Variants in SPAG16 observed in about 807,000 individuals in gnomAD.
SPAG16 encodes sperm-associated antigen 16 protein.
A neutral mutation model predicts 80.4 loss-of-function variants in SPAG16; 86 were observed. The observed-to-expected ratio is 1.07, with a 90% CI of 0.90 to 1.28. The LOEUF (loss-of-function observed/expected upper bound fraction) is 1.28, where lower values mean the gene tolerates loss of function less well. Ranked by LOEUF, SPAG16 falls within the 50% of genes most tolerant of loss-of-function variation. The pLI is 0.00. For missense variants in SPAG16, 870 were observed against 765.3 expected (o/e 1.14, Z -1.61); for synonymous variants, 294 against 265.9 (o/e 1.11, Z -1.03).
At chr2:214,081,650 C>A (rs1237086590) in intron 13 of SPAG16, among the ~76,000 whole-genome samples, 1 of 152,150 alleles carries the variant, frequency 6.6e-6, no homozygotes, top group Non-Finnish European at 1.5e-5. Flanking sequence ...TGATCTCAGA[C>A]TTGTAGTCTC....
intron 15 of SPAG16, among the ~76,000 whole-genome samples, chr2:214,319,995 C>T (rs1695988264): frequency 6.6e-6 from 1 of 152,214 alleles, no homozygotes; most frequent in African/African-American, 2.4e-5. Flanking sequence ...TCTAGTGCGA[C>T]AAAATTACAC....
intron 9 of SPAG16, among the ~76,000 whole-genome samples, chr2:213,438,719 T>A (rs970081560): frequency 2.0e-5 from 3 of 152,234 alleles, no homozygotes; most frequent in African/African-American, 7.2e-5. Context: ...TTACTTTATA[T>A]GTAAAAGGGG....
At chr2:213,775,136 C>T (rs530492115) in intron 10 of SPAG16, among the ~76,000 whole-genome samples, 28 of 152,266 alleles carry the variant, frequency 1.8e-4, no homozygotes, top group African/African-American at 6.0e-4. Context: ...CTGCCAAAGA[C>T]GAAAGCATCC....
intron 15 of SPAG16, among the ~76,000 whole-genome samples, chr2:214,397,316 T>C (rs997439562): frequency 6.6e-6 from 1 of 151,982 alleles, no homozygotes; most frequent in East Asian, 1.9e-4. Context: ...TGCGCCACCA[T>C]GCCCAGCTAA....
chr2:213,489,492 A>T lies in SPAG16; in HGVS notation c.943-471A>T, dbSNP rs1408722630. 3.9e-5 allele frequency among the ~76,000 whole-genome samples: 6 copies of T among 152,150 alleles called. No individual in the cohort carries two copies. The East Asian group carries it at 7.7e-4, about 20-fold the overall frequency. On this transcript the variant is annotated intron_variant, in intron 9 of 15. Coordinates refer to ENST00000331683, the MANE Select transcript of SPAG16 (RefSeq NM_024532.5). ...AAATTAGTACTGTGTCCTTAGATTT[A>T]AAAAGAAAATCATAATCAATCAATT...
intron 13 of SPAG16, among the ~76,000 whole-genome samples, chr2:214,094,418 G>A (rs1032110247): frequency 6.6e-6 from 1 of 152,058 alleles, no homozygotes. Context: ...ACAAAGTCCT[G>A]AAACTCATGT....
intron 15 of SPAG16, among the ~76,000 whole-genome samples, chr2:214,403,290 T>G (rs1701815795): frequency 6.6e-6 from 1 of 150,546 alleles, no homozygotes; most frequent in Admixed American, 6.6e-5. Flanking sequence ...AATTTTCTAG[T>G]GGACACATTT....
At chr2:213,366,059 G>A (rs1202138411) in intron 8 of SPAG16, among the ~76,000 whole-genome samples, 2 of 147,536 alleles carry the variant, frequency 1.4e-5, no homozygotes, top group African/African-American at 2.5e-5. Context: ...GGAGAATGGT[G>A]TGAACCCGGG....
At chr2:213,570,960 C>G (rs1209307962) in intron 10 of SPAG16, among the ~76,000 whole-genome samples, 1 of 25,644 alleles carries the variant, frequency 3.9e-5, no homozygotes, top group Non-Finnish European at 6.0e-5. Context: ...GTTAGCTCCT[C>G]TTGTTGAATT....
intron 13 of SPAG16, among the ~76,000 whole-genome samples, chr2:214,082,846 A>G (rs1290392600): frequency 1.3e-5 from 2 of 152,122 alleles, no homozygotes; most frequent in African/African-American, 4.8e-5. Flanking sequence ...TTCACTTTCA[A>G]TGTTAAGCAT....
chr2:213,401,450 TG>T (rs1201151085), intron 9 of SPAG16, among the ~76,000 whole-genome samples: 9 of 152,246 alleles, frequency 5.9e-5, no homozygotes. Flanking sequence ...ATTGTTTCTT[TG>T]GTATAAAACT....
At chr2:213,669,233 CTTG>C (rs1446660889) in intron 10 of SPAG16, among the ~76,000 whole-genome samples, 1 of 152,200 alleles carries the variant, frequency 6.6e-6, no homozygotes, top group Admixed American at 6.5e-5. Flanking sequence ...TAATCCTGCT[CTTG>C]TTGTCTTTAG....
At chr2:213,914,497 A>G (rs911287975) in intron 11 of SPAG16, among the ~76,000 whole-genome samples, 1 of 152,148 alleles carries the variant, frequency 6.6e-6, no homozygotes, top group African/African-American at 2.4e-5. Flanking sequence ...TATATATAGT[A>G]TACGCTTTCT....
chr2:214,149,012 A>G (rs2125565939), intron 14 of SPAG16, 128 bp from the exon 15 acceptor site: 1 of 269,878 alleles, frequency 3.7e-6, no homozygotes, highest in East Asian at 1.2e-4. Context: ...CCTTTTGTCT[A>G]TAGGTTACTA....
At chr2:213,687,544 G>A (rs1353574020) in intron 10 of SPAG16, among the ~76,000 whole-genome samples, 1 of 152,068 alleles carries the variant, frequency 6.6e-6, no homozygotes, top group East Asian at 1.9e-4. Context: ...TTCTAGATTG[G>A]CGTCCTATTA....
At chr2:213,526,217 A>G (rs2125867301) in intron 10 of SPAG16, among the ~76,000 whole-genome samples, 1 of 152,296 alleles carries the variant, frequency 6.6e-6, no homozygotes, top group African/African-American at 2.4e-5. Context: ...TAATTATATC[A>G]TAATGTATCA....
chr2:213,496,902 T>A (rs2074517812), intron 10 of SPAG16, among the ~76,000 whole-genome samples: 1 of 151,574 alleles, frequency 6.6e-6, no homozygotes, highest in Non-Finnish European at 1.5e-5. Flanking sequence ...TATGTTGTAA[T>A]TTTTATGTTT....
At chr2:213,941,957 A>C (rs12470022) in intron 12 of SPAG16, among the ~76,000 whole-genome samples, 60,495 of 151,870 alleles carry the variant, frequency 0.4, 12,721 homozygotes, top group South Asian at 0.58. Flanking sequence ...ACCATTTCTT[A>C]TCTCTCCAGC....
chr2:214,354,410 T>C (rs1443633257), intron 15 of SPAG16, among the ~76,000 whole-genome samples: 1 of 152,168 alleles, frequency 6.6e-6, no homozygotes, highest in Non-Finnish European at 1.5e-5. Context: ...AGAGTTGTAG[T>C]ATAGTTTGAA....
Sources: allele counts gnomAD v4.1 joint callset (sites outside exome capture counted in the v4.1 genomes callset), GRCh38; gene constraint gnomAD v4.1.1; transcripts MANE v1.5; gene names NCBI Gene and HGNC (gene_info 2026-07-23, HGNC 2026-07-21).